MYO10: variants seen among roughly 807,000 people sequenced by gnomAD.
MYO10 encodes the protein myosin X.
In MYO10, 133 loss-of-function variants were observed where a neutral mutation model predicts 257.3. The observed-to-expected ratio is 0.52, with a 90% CI of 0.45 to 0.60. The LOEUF is 0.60. Among genes scored for constraint, MYO10 ranks in the 20% least tolerant of loss-of-function variants. The pLI is 0.00. For synonymous variants in MYO10, 1,104 were observed against 1,028.6 expected, an observed-to-expected ratio of 1.07 and a Z score of -1.40; for missense variants, 2,399 against 2,635.7, an observed-to-expected ratio of 0.91 and a Z score of 1.97.
At chr5:16,833,403 G>A (rs960080950) in intron 2 of MYO10, among the ~76,000 whole-genome samples, 1 of 151,858 alleles carries the variant, frequency 6.6e-6, no homozygotes, top group Non-Finnish European at 1.5e-5. Flanking sequence ...TAGTAGAGAC[G>A]AGGTTTCACC....
chr5:16,673,904 C>A lies in MYO10; in HGVS notation c.4965-15G>T, dbSNP rs762754848. The A allele has an allele frequency of 1.1e-5, 17 of 1,611,740 alleles. No homozygotes were observed. Among genetic ancestry groups the A allele is most frequent in the Non-Finnish European group, 1.4e-5 (16 of 1,178,308 alleles). ...GTTCCCGTATCCTAGGAGGCAAACA[C>A]TAACTGTTAATTTTTAGACTGATGG... On this transcript the variant is annotated splice_polypyrimidine_tract_variant and intron_variant, in intron 35 of 40. Transcript: ENST00000513610.
chr5:16,878,689 G>A (rs958112462), intron 1 of MYO10, among the ~76,000 whole-genome samples: 4 of 152,152 alleles, frequency 2.6e-5, no homozygotes, highest in African/African-American at 4.8e-5. Context: ...ACAACAACGT[G>A]GATGGAGCTG....
At chr5:16,821,443 CTT>C (rs571931909) in intron 2 of MYO10, among the ~76,000 whole-genome samples, 3 of 70,260 alleles carry the variant, frequency 4.3e-5, no homozygotes, top group South Asian at 6.9e-4. Flanking sequence ...CTCCTATTTT[CTT>C]TTTTTTTTTT....
At chr5:16,803,300 C>T (rs1029393952) in intron 3 of MYO10, among the ~76,000 whole-genome samples, 5 of 149,084 alleles carry the variant, frequency 3.4e-5, no homozygotes, top group Non-Finnish European at 5.9e-5. Flanking sequence ...TGATGGTGCA[C>T]ACATGTGGTC....
intron 21 of MYO10, among the ~76,000 whole-genome samples, chr5:16,705,138 C>T (rs1015602610): frequency 3.3e-5 from 5 of 152,176 alleles, no homozygotes; most frequent in Admixed American, 6.5e-5. Context: ...ATTTCTAAAA[C>T]GTTATTTTGC....
At chr5:16,834,707 G>A (rs1276111617) in intron 2 of MYO10, among the ~76,000 whole-genome samples, 1 of 152,094 alleles carries the variant, frequency 6.6e-6, no homozygotes, top group Non-Finnish European at 1.5e-5. Context: ...CTAAATAATA[G>A]GACAGTAATT....
chr5:16,672,466 G>A (rs1736513158), intron 37 of MYO10, among the ~76,000 whole-genome samples: 1 of 151,982 alleles, frequency 6.6e-6, no homozygotes, highest in Non-Finnish European at 1.5e-5. Flanking sequence ...AAAGGAATGG[G>A]GTAAAAAACC....
chr5:16,675,018 C>T lies in MYO10; in HGVS notation c.4799G>A (p.Arg1600Gln), dbSNP rs749735857. 2.5e-6 allele frequency: 4 copies of T among 1,613,892 alleles called. No homozygotes were observed. The highest frequency in any genetic ancestry group is 1.7e-5 in the Admixed American group (1 of 60,010). ...QGILQTGHDL[R>Q]PLRDELYCQL... ...GCAGTACAGCTCGTCCCGCAGAGGTCGCAGGTCATGCCCTGTCTGTAGGAT... is the reference window on the plus strand; with the variant it reads ...GCAGTACAGCTCGTCCCGCAGAGGTTGCAGGTCATGCCCTGTCTGTAGGAT... Residue 1600 changes from arginine (R) to glutamine (Q), a missense_variant, in exon 35 of 41, where the codon CGA (arginine) becomes CAA (glutamine). Arg to Gln is a conservative substitution (Grantham distance 43). Around this residue, in one of 3 missense-constraint regions of MYO10, gnomAD observed 1,820 missense variants for 1,939.4 expected, o/e 0.94. Coordinates refer to ENST00000513610, the MANE Select transcript of MYO10 (RefSeq NM_012334.3).
chr5:16,934,828 A>T (rs1746389503), intron 1 of MYO10, among the ~76,000 whole-genome samples: 1 of 152,244 alleles, frequency 6.6e-6, no homozygotes, highest in Non-Finnish European at 1.5e-5. Context: ...AAGTCGGCTA[A>T]CACAGAGGCA....
chr5:16,916,142 G>C (rs1407412705), intron 1 of MYO10: 1 of 455,960 alleles, frequency 2.2e-6, no homozygotes, highest in East Asian at 6.9e-5. Flanking sequence ...ATCAAGCCCA[G>C]ATTTCCACCA....
At chr5:16,685,094 G>A (rs1369051198) in intron 29 of MYO10, among the ~76,000 whole-genome samples, 2 of 152,058 alleles carry the variant, frequency 1.3e-5, no homozygotes, top group Non-Finnish European at 2.9e-5. Flanking sequence ...GTCCTCTGAA[G>A]AGTAAGTGTG....
Position 16,769,210 on chromosome 5 carries a change from G to T in MYO10, c.931-7C>A. On this transcript the variant is annotated splice_region_variant and splice_polypyrimidine_tract_variant and intron_variant, in intron 9 of 40. Coordinates refer to ENST00000513610, the MANE Select transcript of MYO10 (RefSeq NM_012334.3). ...GCATCACGTCCATTGCCGTCTAGAA[G>T]AAAATAAATGTATTTAATTTTATGT... 1 of 1,587,246 alleles carries T rather than the reference G, an allele frequency of 6.3e-7. No homozygotes were observed. The highest frequency in any genetic ancestry group is 8.5e-7 in the Non-Finnish European group (1 of 1,170,740).
chr5:16,746,273 G>T (rs1242233545), intron 19 of MYO10, among the ~76,000 whole-genome samples: 1 of 152,196 alleles, frequency 6.6e-6, no homozygotes, highest in Non-Finnish European at 1.5e-5. Flanking sequence ...GTTTTGGTCA[G>T]TTTTGGCCAC....
intron 1 of MYO10, among the ~76,000 whole-genome samples, chr5:16,903,862 G>A (rs905165876): frequency 6.6e-6 from 1 of 152,218 alleles, no homozygotes; most frequent in Non-Finnish European, 1.5e-5. Context: ...GAGGACCTGC[G>A]TTCCATGAGC....
At chr5:16,757,056 T>C (rs1475562010) in intron 18 of MYO10, among the ~76,000 whole-genome samples, 1 of 147,814 alleles carries the variant, frequency 6.8e-6, no homozygotes, top group Non-Finnish European at 1.5e-5. Flanking sequence ...GAGGTAGAGG[T>C]TGCAGTGAGC....
intron 18 of MYO10, among the ~76,000 whole-genome samples, chr5:16,756,001 A>G (rs1740518197): frequency 6.6e-6 from 1 of 152,172 alleles, no homozygotes; most frequent in East Asian, 1.9e-4. Context: ...CTAATATTAA[A>G]ATGTGCAATG....
At chr5:16,755,188 C>T (rs763141514) in intron 18 of MYO10, among the ~76,000 whole-genome samples, 2 of 151,990 alleles carry the variant, frequency 1.3e-5, no homozygotes, top group Non-Finnish European at 2.9e-5. Context: ...TTATTTGAGA[C>T]GGAGTCTCGC....
At chr5:16,821,725 C>T (rs1446617182) in intron 2 of MYO10, among the ~76,000 whole-genome samples, 2 of 151,866 alleles carry the variant, frequency 1.3e-5, no homozygotes, top group Non-Finnish European at 2.9e-5. Flanking sequence ...CTCGGCCTCC[C>T]AAAGTGCTGG....
intron 1 of MYO10, among the ~76,000 whole-genome samples, chr5:16,881,200 CTATT>C (rs1372391062): frequency 6.6e-6 from 1 of 152,126 alleles, no homozygotes; most frequent in Non-Finnish European, 1.5e-5. Flanking sequence ...TCAAAATTGT[CTATT>C]TAGTAAGAAT....
Sources: gnomAD v4.1 joint callset for allele counts (sites outside exome capture counted in the v4.1 genomes callset) on GRCh38, gnomAD v4.1.1 for gene constraint, gnomAD v4.1.1 regional missense constraint, MANE v1.5 for transcripts, NCBI Gene and HGNC (gene_info 2026-07-23, HGNC 2026-07-21) for gene names.